SCML4: variants seen among roughly 807,000 people sequenced by gnomAD.
SCML4 encodes the protein Scm polycomb group protein like 4.
SCML4 carries 34 observed loss-of-function variants against 41.1 expected under a neutral mutation model. The ratio of observed to expected loss-of-function variants is 0.83; its 90% CI spans 0.63 to 1.10. The LOEUF is 1.10. Among genes scored for constraint, SCML4 ranks in the 50% least tolerant of loss-of-function variants. The pLI is 0.00. For synonymous variants in SCML4, 214 were observed against 220.9 expected (o/e 0.97, Z 0.28); for missense variants, 522 against 534.1 (o/e 0.98, Z 0.22).
chr6:107,744,257 C>A (rs1476793519), intron 5 of SCML4, among the ~76,000 whole-genome samples: 1 of 152,208 alleles, frequency 6.6e-6, no homozygotes, highest in African/African-American at 2.4e-5. Flanking sequence ...CATCTAGCCC[C>A]TTGGGTAGAC....
chr6:107,817,084 G>A (rs1172594083), intron 1 of SCML4, among the ~76,000 whole-genome samples: 1 of 152,104 alleles, frequency 6.6e-6, no homozygotes, highest in Non-Finnish European at 1.5e-5. Context: ...GGGACCAGCT[G>A]GGTCTTTGGT....
intron 5 of SCML4, among the ~76,000 whole-genome samples, chr6:107,743,305 C>G (rs1762459800): frequency 6.6e-6 from 1 of 152,118 alleles, no homozygotes; most frequent in Non-Finnish European, 1.5e-5. Context: ...AATACTTGTT[C>G]TGAATTTCAT....
chr6:107,818,980 T>C (rs189747252), intron 1 of SCML4, among the ~76,000 whole-genome samples: 51 of 152,320 alleles, frequency 3.3e-4, no homozygotes, highest in Middle Eastern at 3.4e-3. Flanking sequence ...CAGGATGACC[T>C]GTGGACAAAA....
intron 5 of SCML4, among the ~76,000 whole-genome samples, chr6:107,737,115 C>A (rs374626984): frequency 3.8e-4 from 58 of 152,304 alleles, no homozygotes; most frequent in African/African-American, 1.3e-3. Flanking sequence ...GTATTTACTG[C>A]GTGTTTGCTG....
intron 5 of SCML4, among the ~76,000 whole-genome samples, chr6:107,743,039 G>A (rs376781842): frequency 2.6e-5 from 4 of 152,182 alleles, no homozygotes; most frequent in Non-Finnish European, 4.4e-5. Context: ...TCCACTGTAG[G>A]GGGGATGGAG....
chr6:107,798,303 T>C (rs1049826035), intron 1 of SCML4, among the ~76,000 whole-genome samples: 2 of 152,024 alleles, frequency 1.3e-5, no homozygotes, highest in African/African-American at 2.4e-5. Flanking sequence ...TTTTTTAATA[T>C]AGAAGGCTTT....
Position 107,702,718 on chromosome 6 carries a change from C to T in SCML4, c.*2482G>A, listed in dbSNP as rs1218038600. On this transcript the variant is annotated 3_prime_UTR_variant, in exon 8 of 8. Coordinates refer to ENST00000369020, the MANE Select transcript of SCML4 (RefSeq NM_198081.5). ...AATTCTTAAGAGACAGGCCCTATCA[C>T]CTTAAAATCTTGAAGACTCTGCCCC... 6.6e-6 allele frequency among the ~76,000 whole-genome samples: 1 copy of T among 152,196 alleles called. No individual in the cohort carries two copies. The highest frequency in any genetic ancestry group is 2.4e-5 in the African/African-American group (1 of 41,438).
chr6:107,767,206 TCGGCC>T (rs1780132288), intron 2 of SCML4, among the ~76,000 whole-genome samples: 1 of 152,124 alleles, frequency 6.6e-6, no homozygotes, highest in Non-Finnish European at 1.5e-5. Flanking sequence ...TCCATCCACC[TCGGCC>T]TCCCAAAGTG....
chr6:107,819,951 AAAATAGTAGCCCAAG>A (rs1209392803), intron 1 of SCML4, among the ~76,000 whole-genome samples: 1 of 152,236 alleles, frequency 6.6e-6, no homozygotes, highest in Non-Finnish European at 1.5e-5. Flanking sequence ...TTTCTGTCCT[AAAATAGTAGCCCAAG>A]AAATAATCAT....
At chr6:107,743,866 T>C (rs1206470184) in intron 5 of SCML4, 1 of 152,226 alleles carries the variant, frequency 6.6e-6, no homozygotes, top group African/African-American at 2.4e-5. Flanking sequence ...TGCTGTCCTC[T>C]TGAATTGGAG....
the SCML4 span, among the ~76,000 whole-genome samples, chr6:107,843,625 T>G: frequency 1.3e-5 from 2 of 152,208 alleles, no homozygotes; most frequent in Non-Finnish European, 2.9e-5. Context: ...CCACTGGCCC[T>G]GCCGGTAACA....
chr6:107,805,090 G>GA (rs1410268114), intron 1 of SCML4, among the ~76,000 whole-genome samples: 1 of 152,092 alleles, frequency 6.6e-6, no homozygotes, highest in Non-Finnish European at 1.5e-5. Context: ...TGCAGGTGAG[G>GA]AAAAAATGGC....
At chr6:107,812,308 A>G (rs956646774) in intron 1 of SCML4, among the ~76,000 whole-genome samples, 4 of 152,214 alleles carry the variant, frequency 2.6e-5, no homozygotes, top group African/African-American at 9.6e-5. Context: ...GATGAACTGA[A>G]CAATACCACC....
chr6:107,816,820 CT>C lies in SCML4; in HGVS notation c.-60+7305del, dbSNP rs1784578924. ...CATATTGTTTCAGTTGTCATTTTAA[CT>C]TTTCCACAGATGAGTGAGCTAGCTG... On this transcript the variant is annotated intron_variant, in intron 1 of 7. Coordinates refer to ENST00000369020, the MANE Select transcript of SCML4 (RefSeq NM_198081.5). Among the ~76,000 whole-genome samples, 4 of 152,340 alleles carry C rather than the reference CT, an allele frequency of 2.6e-5. No individual in the cohort carries two copies. The South Asian group carries it at 8.3e-4, about 32-fold the overall frequency.
chr6:107,817,599 C>T (rs1479352792), intron 1 of SCML4, among the ~76,000 whole-genome samples: 3 of 108,230 alleles, frequency 2.8e-5, no homozygotes, highest in South Asian at 3.4e-4. Context: ...CCAGCCTGGG[C>T]AACAGAGGAA....
In SCML4 at chr6:107,720,816, G is replaced by A. The variant is rs1775316588; in HGVS notation, c.860C>T (p.Ala287Val). Residue 287 changes from alanine to valine, a missense_variant, in exon 6 of 8, where the codon GCT becomes GTT. Physicochemically the swap from Ala to Val is moderately conservative, Grantham distance 64. Coordinates refer to ENST00000369020, the MANE Select transcript of SCML4 (RefSeq NM_198081.5). ...CATGGGGCTAGTGCGGGGACCACCAGCGGTGGCAGCAGGACCACCCCCAAG... is the reference window on the plus strand; with the variant it reads ...CATGGGGCTAGTGCGGGGACCACCAACGGTGGCAGCAGGACCACCCCCAAG... Reference protein sequence around the residue: ...SHLGGGPAATAGGPRTSPMSS... With the variant: ...SHLGGGPAATVGGPRTSPMSS... 1 of 1,614,086 alleles carries A rather than the reference G, an allele frequency of 6.2e-7. No individual in the cohort carries two copies.
chr6:107,794,680 C>G (rs114106151), intron 1 of SCML4, among the ~76,000 whole-genome samples: 1 of 152,052 alleles, frequency 6.6e-6, no homozygotes, highest in Non-Finnish European at 1.5e-5. Flanking sequence ...ATACTTACTT[C>G]GATAACCTAG....
chr6:107,785,988 A>G (rs1781862854), intron 1 of SCML4, among the ~76,000 whole-genome samples: 1 of 152,050 alleles, frequency 6.6e-6, no homozygotes, highest in Non-Finnish European at 1.5e-5. Flanking sequence ...CCATTTTGCT[A>G]CCAACCCTAG....
At chr6:107,745,231 C>T in intron 4 of SCML4, 88 bp from the exon 5 acceptor site, 1 of 1,008,596 alleles carries the variant, frequency 9.9e-7, no homozygotes, top group East Asian at 2.8e-5. Context: ...TTCGTTTGTT[C>T]ATTTTTGTTT....
Sources: allele counts gnomAD v4.1 joint callset (sites outside exome capture counted in the v4.1 genomes callset), GRCh38; gene constraint gnomAD v4.1.1; transcripts MANE v1.5; gene names NCBI Gene and HGNC (gene_info 2026-07-23, HGNC 2026-07-21).